The following ECPAS variants were observed in gnomAD, a reference collection of about 807,000 sequenced individuals.
ECPAS encodes proteasome adapter and scaffold protein ECM29.
A neutral mutation model predicts 255.1 loss-of-function variants in ECPAS; 70 were observed. The observed-to-expected ratio is 0.27, with a 90% CI of 0.23 to 0.33. The LOEUF is 0.33. Ranked by LOEUF, ECPAS falls within the 10% of genes least tolerant of loss-of-function variation. ECPAS has a pLI of 1.00. For synonymous variants in ECPAS, 784 were observed against 775.0 expected, an observed-to-expected ratio of 1.01 and a Z score of -0.19; for missense variants, 1,817 against 2,206.4, an observed-to-expected ratio of 0.82 and a Z score of 3.54.
chr9:111,400,374 A>T (rs1217561036), intron 24 of ECPAS, among the ~76,000 whole-genome samples: 1 of 152,238 alleles, frequency 6.6e-6, no homozygotes, highest in African/African-American at 2.4e-5. Flanking sequence ...AATGTTCACA[A>T]GCATCGAGGA....
chr9:111,410,266 C>A, intron 22 of ECPAS, 53 bp from the exon 23 acceptor site: 2 of 1,473,124 alleles, frequency 1.4e-6, no homozygotes, highest in South Asian at 2.7e-5. Context: ...CCTTACGACC[C>A]AAAGCAACCA....
At chr9:111,368,795 T>C (rs572306860) in intron 46 of ECPAS, among the ~76,000 whole-genome samples, 7 of 152,280 alleles carry the variant, frequency 4.6e-5, no homozygotes, top group Non-Finnish European at 7.4e-5. Flanking sequence ...TGTGAGAAAA[T>C]AAATTTCTGC....
At chr9:111,403,601 A>T (rs2098179584) in intron 24 of ECPAS, among the ~76,000 whole-genome samples, 1 of 149,818 alleles carries the variant, frequency 6.7e-6, no homozygotes, top group Non-Finnish European at 1.5e-5. Flanking sequence ...TGGAGCACTC[A>T]AACGTATAAA....
intron 46 of ECPAS, 134 bp downstream of exon 46, chr9:111,368,901 C>A: frequency 2.4e-6 from 2 of 846,572 alleles, no homozygotes; most frequent in Non-Finnish European, 3.4e-6. Flanking sequence ...AAAAAACTTT[C>A]ACTGGATAAT....
chr9:111,455,473 G>C (rs1564557418), intron 2 of ECPAS, among the ~76,000 whole-genome samples: 1 of 152,192 alleles, frequency 6.6e-6, no homozygotes, highest in Non-Finnish European at 1.5e-5. Flanking sequence ...AATAAAGCGA[G>C]ACTCTGTCTC....
chr9:111,372,362 G>A (rs1275003055), intron 42 of ECPAS, 67 bp downstream of exon 42: 12 of 1,409,748 alleles, frequency 8.5e-6, no homozygotes, highest in African/African-American at 2.8e-5. Context: ...TATGAATAAC[G>A]AATGCAAGTA....
chr9:111,389,677 T>A lies in ECPAS; in HGVS notation c.3326A>T (p.Gln1109Leu), dbSNP rs773875468. The change falls in exon 31 of 50, where the codon CAG (glutamine) becomes CTG (leucine). Residue 1109 changes from glutamine (Q) to leucine (L), a missense_variant. Gln to Leu is a moderately radical substitution (Grantham distance 113, BLOSUM62 -2). This residue lies in a region of ECPAS where 960 missense variants were observed against 1,179.0 expected (regional missense o/e 0.81). Transcript: ENST00000684092. ...FNVIATRAGE[Q>L]LAPFLPQLVP... is the part of the protein sequence containing the mutation. ...TAGCTGAGGCAGAAAAGGAGCCAGC[T>A]GCTCTCCAGCTCTGGTAGCAATTAC... The A allele has an allele frequency of 1.2e-6, 2 of 1,613,814 alleles. No homozygotes were observed. The highest frequency in any genetic ancestry group is 3.3e-5 in the Admixed American group (2 of 60,002).
chr9:111,409,027 C>G (rs1021057235), intron 23 of ECPAS, among the ~76,000 whole-genome samples: 58 of 152,252 alleles, frequency 3.8e-4, no homozygotes, highest in Admixed American at 9.8e-4. Context: ...CGACCTTAAG[C>G]AAGTTATTTC....
At chr9:111,373,046 G>T in intron 41 of ECPAS, 124 bp downstream of exon 41, 1 of 878,250 alleles carries the variant, frequency 1.1e-6, no homozygotes. Flanking sequence ...AAAAAGAAAA[G>T]AAAAGAAACA....
At chr9:111,425,305 G>T (rs2098219889) in intron 12 of ECPAS, 113 bp downstream of exon 12, 1 of 663,104 alleles carries the variant, frequency 1.5e-6, no homozygotes, top group Non-Finnish European at 2.4e-6. Context: ...AAATGTTAAG[G>T]AACAGTGAAA....
intron 1 of ECPAS, 115 bp downstream of exon 1, chr9:111,484,001 C>G: frequency 9.9e-7 from 1 of 1,008,524 alleles, no homozygotes. Flanking sequence ...CCGCCCGCCC[C>G]GCGTGCGCTC....
chr9:111,373,479 CAAACCT>C, intron 39 of ECPAS, 73 bp from the exon 40 acceptor site: 1 of 1,189,136 alleles, frequency 8.4e-7, no homozygotes, highest in Non-Finnish European at 1.2e-6. Context: ...AGAACCCAAA[CAAACCT>C]AACCCTGTAA....
intron 46 of ECPAS, among the ~76,000 whole-genome samples, chr9:111,367,550 A>G (rs557899946): frequency 1.3e-5 from 2 of 152,278 alleles, no homozygotes; most frequent in South Asian, 2.1e-4. Context: ...TTATGGCATC[A>G]TATTAGTGGA....
chr9:111,403,530 T>C lies in ECPAS; in HGVS notation c.2652+5041A>G, dbSNP rs145802487. The stretch of plus-strand genomic sequence containing the variant: ...GAAAAAGACCTAGGTCATTACATAA[T>C]GATAAAGGGCTCAATTCAGCAAGAG... On this transcript the variant is annotated intron_variant, in intron 24 of 49. Coordinates refer to ENST00000684092, the MANE Select transcript of ECPAS (RefSeq NM_001364929.1). Among the ~76,000 whole-genome samples, 732 of 149,842 alleles carry C rather than the reference T, an allele frequency of 4.9e-3. 81 individuals are homozygous for C. The highest frequency in any genetic ancestry group is 0.018 in the African/African-American group (695 of 39,552).
chr9:111,371,161 A>G (rs557725149), intron 43 of ECPAS, among the ~76,000 whole-genome samples: 47 of 152,286 alleles, frequency 3.1e-4, no homozygotes, highest in African/African-American at 1.1e-3. Flanking sequence ...GTTCACTGTT[A>G]AGAATCCTAC....
intron 2 of ECPAS, among the ~76,000 whole-genome samples, chr9:111,459,875 T>A (rs1196149424): frequency 6.6e-6 from 1 of 152,124 alleles, no homozygotes; most frequent in African/African-American, 2.4e-5. Context: ...TTCTCCTTCA[T>A]AACTTCTTCC....
chr9:111,368,480 G>A (rs2098123392), intron 46 of ECPAS, among the ~76,000 whole-genome samples: 1 of 152,118 alleles, frequency 6.6e-6, no homozygotes, highest in Admixed American at 6.6e-5. Context: ...ATGTATCATG[G>A]TTATTATAGG....
intron 6 of ECPAS, among the ~76,000 whole-genome samples, 151 bp from the exon 7 acceptor site, chr9:111,437,259 T>G (rs1434191126): frequency 2.0e-5 from 3 of 152,120 alleles, no homozygotes; most frequent in Admixed American, 6.5e-5. Flanking sequence ...TAAAAAAAAT[T>G]TTAAGGTATC....
chr9:111,393,803 C>T (rs899707435), intron 26 of ECPAS, 69 bp from the exon 27 acceptor site: 2 of 1,101,462 alleles, frequency 1.8e-6, no homozygotes, highest in African/African-American at 3.2e-5. Flanking sequence ...GTCTTGCTCT[C>T]ACCGTGTACA....
Sources: allele counts gnomAD v4.1 joint callset (sites outside exome capture counted in the v4.1 genomes callset), GRCh38; gene constraint gnomAD v4.1.1; regional missense constraint gnomAD v4.1.1; transcripts MANE v1.5; gene names NCBI Gene and HGNC (gene_info 2026-07-23, HGNC 2026-07-21).